The following SLC4A4 variants were observed in gnomAD, a reference collection of about 807,000 sequenced individuals.
The protein encoded by SLC4A4 is electrogenic sodium bicarbonate cotransporter 1.
A neutral mutation model predicts 111.5 loss-of-function variants in SLC4A4; 27 were observed. The ratio of observed to expected loss-of-function variants is 0.24; its 90% CI spans 0.18 to 0.33. The LOEUF (loss-of-function observed/expected upper bound fraction) is 0.33, where lower values mean the gene tolerates loss of function less well. Among genes scored for constraint, SLC4A4 ranks in the 10% least tolerant of loss-of-function variants. The pLI is 1.00. For missense variants in SLC4A4, 909 were observed against 1,315.5 expected, an observed-to-expected ratio of 0.69 and a Z score of 4.78; for synonymous variants, 443 against 463.4, an observed-to-expected ratio of 0.96 and a Z score of 0.57.
intron 4 of SLC4A4, among the ~76,000 whole-genome samples, chr4:71,344,967 G>C (rs1288084770): frequency 6.6e-6 from 1 of 152,136 alleles, no homozygotes. Context: ...AAGCACAGTA[G>C]TTATACTATG....
chr4:71,421,758 G>A (rs1349092544), intron 7 of SLC4A4, among the ~76,000 whole-genome samples: 3 of 152,132 alleles, frequency 2.0e-5, no homozygotes, highest in African/African-American at 4.8e-5. Context: ...ACAAAAGGAA[G>A]GCAGAAATAA....
At chr4:71,458,215 C>G (rs1726475500) in intron 12 of SLC4A4, among the ~76,000 whole-genome samples, 1 of 151,962 alleles carries the variant, frequency 6.6e-6, no homozygotes. Context: ...GTTGTTCATT[C>G]AAAGTACTGT....
intron 3 of SLC4A4, among the ~76,000 whole-genome samples, chr4:71,288,261 T>A (rs1245835862): frequency 6.6e-6 from 1 of 152,120 alleles, no homozygotes; most frequent in Non-Finnish European, 1.5e-5. Flanking sequence ...GATATATAAG[T>A]TTAGGCCTAT....
chr4:71,400,447 G>A (rs1327982464), intron 7 of SLC4A4, among the ~76,000 whole-genome samples: 1 of 152,138 alleles, frequency 6.6e-6, no homozygotes, highest in Non-Finnish European at 1.5e-5. Context: ...TTTAGATGAA[G>A]CGAGGAAAAT....
At chr4:71,511,378 T>C (rs1222973503) in intron 16 of SLC4A4, among the ~76,000 whole-genome samples, 2 of 152,142 alleles carry the variant, frequency 1.3e-5, no homozygotes, top group Non-Finnish European at 2.9e-5. Flanking sequence ...GATGGTATTC[T>C]TTTTTGGCAA....
chr4:71,146,163 G>C (rs1043891403), intron 2 of SLC4A4, among the ~76,000 whole-genome samples: 1 of 152,160 alleles, frequency 6.6e-6, no homozygotes, highest in African/African-American at 2.4e-5. Flanking sequence ...GTTCTCATTG[G>C]TTTCAAAGAA....
intron 5 of SLC4A4, among the ~76,000 whole-genome samples, chr4:71,355,019 C>A (rs962793729): frequency 6.6e-6 from 1 of 152,114 alleles, no homozygotes; most frequent in Non-Finnish European, 1.5e-5. Flanking sequence ...AGGATTTTGT[C>A]GTTTATACTT....
intron 5 of SLC4A4, among the ~76,000 whole-genome samples, chr4:71,354,237 T>C (rs1360714768): frequency 6.6e-6 from 1 of 152,218 alleles, no homozygotes; most frequent in Non-Finnish European, 1.5e-5. Context: ...GGAAGTGAAT[T>C]GGGAAAATGT....
chr4:71,140,701 C>T (rs145880209), intron 2 of SLC4A4, among the ~76,000 whole-genome samples: 66 of 152,260 alleles, frequency 4.3e-4, no homozygotes, highest in Admixed American at 2.7e-3. Flanking sequence ...TGATTCCTCT[C>T]TTATTTCCTT....
At chr4:71,340,362 G>A (rs1728801615) in intron 4 of SLC4A4, among the ~76,000 whole-genome samples, 2 of 152,182 alleles carry the variant, frequency 1.3e-5, no homozygotes, top group Admixed American at 6.5e-5. Flanking sequence ...GATATTTTGA[G>A]AGAGTTGCCA....
chr4:71,405,889 C>T (rs188059900), intron 7 of SLC4A4, among the ~76,000 whole-genome samples: 14 of 152,192 alleles, frequency 9.2e-5, no homozygotes, highest in Non-Finnish European at 1.2e-4. Flanking sequence ...TCTAATTGGA[C>T]GTCCGAGCTG....
chr4:71,558,968 G>A lies in SLC4A4; in HGVS notation c.2937+1083G>A, dbSNP rs1401262158. On this transcript the variant is annotated intron_variant, in intron 22 of 25. Coordinates refer to ENST00000264485, the MANE Select transcript of SLC4A4 (RefSeq NM_001098484.3). Reference sequence around the variant, plus strand: ...TACCTACAAATTTTGCTGAAACCAAGAAAATTGAAGCTAGACCAGGATACA... The same window carrying A: ...TACCTACAAATTTTGCTGAAACCAAAAAAATTGAAGCTAGACCAGGATACA... Among the ~76,000 whole-genome samples the A allele has an allele frequency of 3.3e-5, 5 of 151,862 alleles. No individual in the cohort carries two copies. In the East Asian group the frequency reaches 5.9e-4, roughly 18 times the overall value.
At chr4:71,179,672 C>G (rs1207691873) in intron 2 of SLC4A4, among the ~76,000 whole-genome samples, 1 of 152,108 alleles carries the variant, frequency 6.6e-6, no homozygotes, top group Non-Finnish European at 1.5e-5. Context: ...TCAAGGAGAA[C>G]TACAAACCGC....
chr4:71,175,901 G>A (rs1031297387), intron 2 of SLC4A4, among the ~76,000 whole-genome samples: 3 of 152,110 alleles, frequency 2.0e-5, no homozygotes, highest in Admixed American at 6.5e-5. Context: ...CCCTGCCCCC[G>A]AGTAACCTAA....
intron 16 of SLC4A4, among the ~76,000 whole-genome samples, chr4:71,531,738 G>C (rs988972013): frequency 1.4e-5 from 2 of 143,880 alleles, no homozygotes; most frequent in Admixed American, 7.1e-5. Context: ...CGTTCTATTT[G>C]ATTGCCCTCC....
chr4:71,299,505 G>A lies in SLC4A4; in HGVS notation c.254-39865G>A, dbSNP rs368643083. Among the ~76,000 whole-genome samples the A allele has an allele frequency of 3.3e-5, 5 of 152,298 alleles. No homozygotes were observed. In the East Asian group the frequency reaches 5.8e-4, roughly 18 times the overall value. On this transcript the variant is annotated intron_variant, in intron 3 of 25. Transcript: ENST00000264485. ...ATAAGAAGCATGGTACCTCCTATAA[G>A]CCTCCGAGTAGGCTGTGGGCTTCAA...
At chr4:71,323,311 T>A (rs1018745445) in intron 3 of SLC4A4, among the ~76,000 whole-genome samples, 2 of 152,040 alleles carry the variant, frequency 1.3e-5, no homozygotes, top group Admixed American at 1.3e-4. Context: ...TCTGGTGGTT[T>A]TTTTTCTATA....
In SLC4A4 at chr4:71,193,073, A is replaced by G. The variant is rs143143676; in HGVS notation, c.-2+5672A>G. Among the ~76,000 whole-genome samples, 220 of 152,308 alleles carry G rather than the reference A, an allele frequency of 1.4e-3. 3 individuals are homozygous for G. The highest frequency in any genetic ancestry group is 0.012 in the East Asian group (63 of 5,186). On this transcript the variant is annotated intron_variant, in intron 1 of 25. Transcript: ENST00000264485. ...CCACTTTAGAAGAACGCCACAGTACATTTATCCATTTTGTTCTTGATTTAC... is the reference window on the plus strand; with the variant it reads ...CCACTTTAGAAGAACGCCACAGTACGTTTATCCATTTTGTTCTTGATTTAC...
intron 3 of SLC4A4, among the ~76,000 whole-genome samples, chr4:71,310,794 C>A (rs1172936972): frequency 6.6e-6 from 1 of 152,152 alleles, no homozygotes; most frequent in East Asian, 1.9e-4. Flanking sequence ...AAATAACCAG[C>A]TAGCATCATG....
Sources: gnomAD v4.1 joint callset for allele counts (sites outside exome capture counted in the v4.1 genomes callset) on GRCh38, gnomAD v4.1.1 for gene constraint, MANE v1.5 for transcripts, NCBI Gene and HGNC (gene_info 2026-07-23, HGNC 2026-07-21) for gene names.